The following DHX36 variants were observed in gnomAD, a reference collection of about 807,000 sequenced individuals.
DHX36 encodes ATP-dependent DNA/RNA helicase DHX36.
Under a neutral mutation model 139.0 loss-of-function variants are expected in DHX36, and 50 were observed. The ratio of observed to expected loss-of-function variants is 0.36; its 90% CI spans 0.29 to 0.46. DHX36 has a LOEUF of 0.46. DHX36 is among the 20% of genes least tolerant of loss of function. The pLI is 1.00. For synonymous variants in DHX36, 425 were observed against 401.9 expected (o/e 1.06, Z -0.69); for missense variants, 1,024 against 1,211.3 (o/e 0.85, Z 2.29).
At chr3:154,314,878 T>C in intron 3 of DHX36, 168 bp downstream of exon 3, 1 of 581,692 alleles carries the variant, frequency 1.7e-6, no homozygotes, top group Non-Finnish European at 3.1e-6. Flanking sequence ...ATGTGTAACT[T>C]CCATTCCCAC....
chr3:154,304,709 A>G (rs1335962693), intron 8 of DHX36, 97 bp downstream of exon 8: 2 of 884,396 alleles, frequency 2.3e-6, no homozygotes, highest in Admixed American at 7.1e-5. Context: ...TAACAGCTAA[A>G]CATTCATTTT....
chr3:154,276,397 A>G (rs372401564), intron 24 of DHX36, 41 bp from the exon 25 acceptor site: 11 of 1,531,372 alleles, frequency 7.2e-6, no homozygotes, highest in Non-Finnish European at 8.0e-6. Flanking sequence ...AAAGGCAGAT[A>G]TATTACCAAA....
chr3:154,315,725 G>A (rs1417321242), intron 2 of DHX36, among the ~76,000 whole-genome samples: 12 of 151,800 alleles, frequency 7.9e-5, no homozygotes, highest in Admixed American at 6.6e-5. Context: ...TTTCTAAAAC[G>A]GTAGCAATTT....
At chr3:154,318,749 T>C (rs1023085176) in intron 1 of DHX36, among the ~76,000 whole-genome samples, 1 of 152,258 alleles carries the variant, frequency 6.6e-6, no homozygotes, top group Non-Finnish European at 1.5e-5. Flanking sequence ...TAGATCTTTC[T>C]GCAAGTATAT....
intron 20 of DHX36, among the ~76,000 whole-genome samples, chr3:154,282,658 G>A (rs1337053737): frequency 6.6e-6 from 1 of 151,424 alleles, no homozygotes; most frequent in Non-Finnish European, 1.5e-5. Flanking sequence ...TCTGTTAAAT[G>A]TCCAGTATCA....
chr3:154,293,028 C>T (rs1221206328), intron 14 of DHX36, among the ~76,000 whole-genome samples: 1 of 152,028 alleles, frequency 6.6e-6, no homozygotes, highest in Non-Finnish European at 1.5e-5. Context: ...ACTATGGGAG[C>T]CCCAACAGCA....
chr3:154,314,140 C>G (rs1712871524), intron 3 of DHX36, among the ~76,000 whole-genome samples: 1 of 152,170 alleles, frequency 6.6e-6, no homozygotes, highest in Non-Finnish European at 1.5e-5. Flanking sequence ...CTCTTCTCAA[C>G]CAGAAGATTC....
intron 23 of DHX36, 150 bp downstream of exon 23, chr3:154,277,448 G>C: frequency 1.6e-6 from 1 of 623,738 alleles, no homozygotes; most frequent in Non-Finnish European, 2.5e-6. Flanking sequence ...TAAAAGAATA[G>C]GTTATTTGTT....
At chr3:154,305,228 A>G in intron 6 of DHX36, 60 bp from the exon 7 acceptor site, 1 of 1,394,830 alleles carries the variant, frequency 7.2e-7, no homozygotes, top group Non-Finnish European at 1.0e-6. Flanking sequence ...ATTAACTACC[A>G]CAAAGGTTTA....
intron 23 of DHX36, 108 bp from the exon 24 acceptor site, chr3:154,277,007 T>C: frequency 1.1e-6 from 1 of 927,708 alleles, no homozygotes; most frequent in Non-Finnish European, 1.6e-6. Flanking sequence ...CCTTCTAAAA[T>C]ATTAACCTTC....
At chr3:154,276,468 A>C in intron 24 of DHX36, 112 bp from the exon 25 acceptor site, 1 of 1,045,226 alleles carries the variant, frequency 9.6e-7, no homozygotes, top group Non-Finnish European at 1.4e-6. Context: ...ATGGCTCAAA[A>C]GCTAAAACAT....
At chr3:154,295,486 CATCT>C (rs527409016) in intron 12 of DHX36, 147 bp from the exon 13 acceptor site, 321 of 424,950 alleles carry the variant, frequency 7.6e-4, no homozygotes, top group African/African-American at 6.1e-3. Context: ...ACAGCTAAAC[CATCT>C]GAGTTGACAA....
At chr3:154,292,415 TA>T in intron 15 of DHX36, 135 bp downstream of exon 15, 1 of 1,229,190 alleles carries the variant, frequency 8.1e-7, no homozygotes, top group Non-Finnish European at 1.2e-6. Flanking sequence ...CTTTCCTATT[TA>T]AAAATGTTTT....
At chr3:154,315,595 T>C (rs1712949763) in intron 2 of DHX36, among the ~76,000 whole-genome samples, 1 of 152,152 alleles carries the variant, frequency 6.6e-6, no homozygotes, top group South Asian at 2.1e-4. Flanking sequence ...CGAACTTGTT[T>C]TATGTCACAA....
intron 3 of DHX36, among the ~76,000 whole-genome samples, chr3:154,314,075 T>C (rs1712869306): frequency 6.6e-6 from 1 of 152,202 alleles, no homozygotes. Context: ...GTTCTGTCCA[T>C]CATATACAGC....
chr3:154,293,763 T>A lies in DHX36; in HGVS notation c.1655A>T (p.Asn552Ile). The A allele has an allele frequency of 6.2e-7, 1 of 1,613,036 alleles. No homozygotes were observed. The highest frequency in any genetic ancestry group is 8.5e-7 in the Non-Finnish European group (1 of 1,179,224). Residue 552 changes from asparagine (N) to isoleucine (I), a missense_variant, in exon 14 of 25, where the codon AAC (asparagine) becomes ATC (isoleucine). By Grantham distance (149) the Asn-to-Ile change is moderately radical (BLOSUM62 -3). This residue lies in a region of DHX36 where 470 missense variants were observed against 616.2 expected (regional missense o/e 0.76). Transcript: ENST00000496811. Reference sequence around the variant, plus strand: ...CTATTTTTACCTAGTCTCCGCAATGTTGGTAGCAATTACTATTTTCCGAAC... The same window carrying A: ...CTATTTTTACCTAGTCTCCGCAATGATGGTAGCAATTACTATTTTCCGAAC... ...PGVRKIVIAT[N>I]IAETSITIDD... is the part of the protein sequence containing the mutation.
intron 6 of DHX36, 62 bp downstream of exon 6, chr3:154,306,154 G>C (rs1171162944): frequency 8.2e-7 from 1 of 1,216,196 alleles, no homozygotes; most frequent in African/African-American, 1.5e-5. Context: ...CCTTTCTTTT[G>C]AATCTCCAGC....
At chr3:154,310,123 G>C (rs1050704625) in intron 4 of DHX36, among the ~76,000 whole-genome samples, 1 of 152,068 alleles carries the variant, frequency 6.6e-6, no homozygotes, top group Admixed American at 6.5e-5. Context: ...TGATATGTGG[G>C]GCTACTGAGT....
rs147405315 is a variant in DHX36 at position 154,285,801 on chromosome 3, C to T, written c.2032-814G>A. Among the ~76,000 whole-genome samples the T allele has an allele frequency of 2.0e-3, 297 of 151,380 alleles. 1 individual carries two copies. The highest frequency in any genetic ancestry group is 3.5e-3 in the Non-Finnish European group (237 of 67,852). On this transcript the variant is annotated intron_variant, in intron 17 of 24. Transcript: ENST00000496811. ...TTACTAAACAGTTTTGGAGAAAATA[C>T]ACTTAATTTTTTTTTTTTTAAAAGA...
Sources: allele counts gnomAD v4.1 joint callset (sites outside exome capture counted in the v4.1 genomes callset), GRCh38; gene constraint gnomAD v4.1.1; regional missense constraint gnomAD v4.1.1; transcripts MANE v1.5; gene names NCBI Gene and HGNC (gene_info 2026-07-23, HGNC 2026-07-21).